Variants in RBPMS observed in about 807,000 individuals in gnomAD.
RBPMS encodes the protein RNA-binding protein with multiple splicing.
RBPMS carries 7 observed loss-of-function variants against 26.8 expected under a neutral mutation model. The observed-to-expected ratio is 0.26, with a 90% CI of 0.15 to 0.49. The LOEUF (loss-of-function observed/expected upper bound fraction) is 0.49. RBPMS is among the 20% of genes least tolerant of loss of function. The probability of loss-of-function intolerance (pLI) is 0.98; values close to 1 mark genes in which losing one functional copy is unlikely to be tolerated. For missense variants in RBPMS, 186 were observed against 250.0 expected (o/e 0.74, Z 1.73); for synonymous variants, 96 against 93.3 (o/e 1.03, Z -0.17).
intron 4 of RBPMS, among the ~76,000 whole-genome samples, chr8:30,502,640 C>T (rs574596268): frequency 1.0e-3 from 159 of 152,176 alleles, no homozygotes; most frequent in Non-Finnish European, 1.9e-3. Flanking sequence ...CTGTACGTAA[C>T]ACCCAGGGAC....
intron 5 of RBPMS, 100 bp from the exon 6 acceptor site, chr8:30,544,393 TC>T: frequency 8.5e-7 from 1 of 1,172,162 alleles, no homozygotes; most frequent in African/African-American, 1.5e-5. Context: ...TAATTTGACT[TC>T]CGACAGTGAT....
chr8:30,563,184 G>T (rs1008980764), intron 7 of RBPMS, among the ~76,000 whole-genome samples: 1 of 152,208 alleles, frequency 6.6e-6, no homozygotes, highest in Admixed American at 6.5e-5. Flanking sequence ...AGGAGAGGGG[G>T]GGTCAGAAGG....
chr8:30,446,872 G>C (rs1372407270), intron 1 of RBPMS: 1 of 151,466 alleles, frequency 6.6e-6, no homozygotes, highest in African/African-American at 2.5e-5. Flanking sequence ...GGAGGGTAGT[G>C]GGGTAGAGAT....
At chr8:30,422,343 A>G (rs1467300445) in intron 1 of RBPMS, among the ~76,000 whole-genome samples, 2 of 152,012 alleles carry the variant, frequency 1.3e-5, no homozygotes, top group East Asian at 3.9e-4. Context: ...TGAACTCCTG[A>G]CCTCAGGTGA....
At chr8:30,412,482 C>T (rs557055413) in intron 1 of RBPMS, among the ~76,000 whole-genome samples, 21 of 151,350 alleles carry the variant, frequency 1.4e-4, no homozygotes, top group Admixed American at 1.1e-3. Flanking sequence ...GTGTCAGTCT[C>T]GCACGTACTT....
At chr8:30,487,140 GTCTTAA>G (rs1428357233) in intron 4 of RBPMS, among the ~76,000 whole-genome samples, 12 of 152,216 alleles carry the variant, frequency 7.9e-5, no homozygotes, top group Non-Finnish European at 1.5e-4. Context: ...GAACCAAGAA[GTCTTAA>G]TCTTAATGTC....
chr8:30,511,483 AAAAATATATATATATATATATATATATAT>A (rs1214591705), intron 5 of RBPMS, among the ~76,000 whole-genome samples: 10 of 4,608 alleles, frequency 2.2e-3, no homozygotes, highest in African/African-American at 3.8e-3. Context: ...AAAAAAAAAA[AAAAATATATATATATATATATATATATAT>A]ATATATATAT....
rs530292656 is a variant in RBPMS at position 30,532,561 on chromosome 8, G to T, written c.398-11933G>T. 1.3e-3 allele frequency among the ~76,000 whole-genome samples: 201 copies of T among 152,228 alleles called. 2 individuals are homozygous for T. The highest frequency in any genetic ancestry group is 0.012 in the South Asian group (59 of 4,822). On this transcript the variant is annotated intron_variant, in intron 5 of 8. Transcript: ENST00000397323. ...TAAGTTATCCAATGTTGCACAGCTG[G>T]TAACATTTACAACTAAAGGACTTAA...
intron 1 of RBPMS, among the ~76,000 whole-genome samples, chr8:30,472,323 G>A (rs1432207737): frequency 6.6e-6 from 1 of 152,190 alleles, no homozygotes; most frequent in Non-Finnish European, 1.5e-5. Context: ...TACATACTCT[G>A]TGGTTCCCTC....
chr8:30,439,343 G>C (rs1812818032), intron 1 of RBPMS, among the ~76,000 whole-genome samples: 1 of 152,162 alleles, frequency 6.6e-6, no homozygotes, highest in Admixed American at 6.5e-5. Flanking sequence ...AGATCTTACA[G>C]GTGAGTGGGA....
chr8:30,556,142 G>A, intron 6 of RBPMS: 1 of 985,382 alleles, frequency 1.0e-6, no homozygotes, highest in Non-Finnish European at 1.2e-6. Context: ...CCTAGCCTGA[G>A]ACACAAGAGC....
intron 5 of RBPMS, among the ~76,000 whole-genome samples, chr8:30,511,482 A>T (rs1231014251): frequency 0.015 from 104 of 6,746 alleles, no homozygotes; most frequent in African/African-American, 0.025. Flanking sequence ...AAAAAAAAAA[A>T]AAAAATATAT....
intron 8 of RBPMS, among the ~76,000 whole-genome samples, chr8:30,570,250 C>T (rs1179374310): frequency 6.6e-6 from 1 of 152,198 alleles, no homozygotes; most frequent in African/African-American, 2.4e-5. Context: ...CACAAATAAG[C>T]ATCTCCCTGT....
intron 4 of RBPMS, among the ~76,000 whole-genome samples, chr8:30,491,174 C>G (rs1761285373): frequency 6.6e-6 from 1 of 152,024 alleles, no homozygotes; most frequent in Non-Finnish European, 1.5e-5. Flanking sequence ...TGTTGAGGAC[C>G]AGTAAATAAT....
intron 1 of RBPMS, chr8:30,442,501 G>A (rs1813206096): frequency 6.6e-6 from 1 of 151,476 alleles, no homozygotes; most frequent in Non-Finnish European, 1.5e-5. Context: ...GTAAACCTTC[G>A]CAGCCAGTCG....
chr8:30,559,140 C>T (rs1827236959), intron 7 of RBPMS, among the ~76,000 whole-genome samples, 184 bp downstream of exon 7: 1 of 152,208 alleles, frequency 6.6e-6, no homozygotes, highest in Non-Finnish European at 1.5e-5. Context: ...GAAATTTTCA[C>T]CTAGGTACGG....
chr8:30,429,210 TG>T (rs1240483178), intron 1 of RBPMS, among the ~76,000 whole-genome samples: 3 of 152,186 alleles, frequency 2.0e-5, no homozygotes, highest in African/African-American at 7.2e-5. Context: ...CACATTGTGC[TG>T]GGGATGTGGA....
intron 1 of RBPMS, among the ~76,000 whole-genome samples, chr8:30,459,899 A>ATTTGTTGTCT (rs1459482134): frequency 2.0e-5 from 3 of 152,070 alleles, no homozygotes; most frequent in Non-Finnish European, 2.9e-5. Context: ...TTCCTCTCAC[A>ATTTGTTGTCT]TTTGTTGTCT....
chr8:30,428,883 C>A (rs565788423), intron 1 of RBPMS, among the ~76,000 whole-genome samples: 1 of 152,106 alleles, frequency 6.6e-6, no homozygotes, highest in African/African-American at 2.4e-5. Flanking sequence ...CAAAGTAGCC[C>A]CAATAAGCTG....
Sources: allele counts gnomAD v4.1 joint callset (sites outside exome capture counted in the v4.1 genomes callset), GRCh38; gene constraint gnomAD v4.1.1; transcripts MANE v1.5; gene names NCBI Gene and HGNC (gene_info 2026-07-23, HGNC 2026-07-21).